SPMIP3: variants seen among roughly 807,000 people sequenced by gnomAD.
SPMIP3 encodes the protein sperm microtubule inner protein 3.
the SPMIP3 span, among the ~76,000 whole-genome samples, chr1:244,379,903 G>C: frequency 6.6e-6 from 1 of 151,716 alleles, no homozygotes; most frequent in South Asian, 2.1e-4. Flanking sequence ...GGGAGGCGGA[G>C]GTTGCGGTGA....
the SPMIP3 span, among the ~76,000 whole-genome samples, chr1:244,371,964 G>A: frequency 6.6e-6 from 1 of 152,216 alleles, no homozygotes; most frequent in Non-Finnish European, 1.5e-5. Flanking sequence ...GACAGCCTGT[G>A]GTTTTTCTGC....
the SPMIP3 span, among the ~76,000 whole-genome samples, chr1:244,384,326 C>G: frequency 2.0e-5 from 3 of 152,168 alleles, no homozygotes; most frequent in African/African-American, 7.2e-5. Context: ...CCCTCAGCCC[C>G]CTGAGTAGCT....
At chr1:244,356,132 C>T in the SPMIP3 span, among the ~76,000 whole-genome samples, 1 of 152,088 alleles carries the variant, frequency 6.6e-6, no homozygotes, top group South Asian at 2.1e-4. Flanking sequence ...CTTTTCTTGT[C>T]TTATTGTACT....
the SPMIP3 span, among the ~76,000 whole-genome samples, chr1:244,365,087 G>A: frequency 8.1e-3 from 1,238 of 152,292 alleles, 14 homozygotes; most frequent in African/African-American, 0.028. Context: ...TGAGACCCAG[G>A]ATTTAGATAC....
At chr1:244,375,450 T>G in the SPMIP3 span, 1 of 1,613,750 alleles carries the variant, frequency 6.2e-7, no homozygotes, top group Non-Finnish European at 8.5e-7. Context: ...TTGATCATAG[T>G]GCAAAGAGAG....
the SPMIP3 span, among the ~76,000 whole-genome samples, chr1:244,367,012 T>A: frequency 6.6e-6 from 1 of 152,042 alleles, no homozygotes; most frequent in African/African-American, 2.4e-5. Flanking sequence ...CTAGCCAGGG[T>A]GTTCAGGGAA....
chr1:244,359,979 C>T, the SPMIP3 span, among the ~76,000 whole-genome samples: 19 of 148,314 alleles, frequency 1.3e-4, no homozygotes, highest in African/African-American at 4.2e-4. Flanking sequence ...CGTGGTGGTG[C>T]GTGCCTGTAG....
the SPMIP3 span, among the ~76,000 whole-genome samples, chr1:244,365,736 G>T: frequency 6.6e-6 from 1 of 152,118 alleles, no homozygotes; most frequent in Non-Finnish European, 1.5e-5. Context: ...CAAGCAAACA[G>T]GCAACTCCAA....
chr1:244,362,443 A>G, the SPMIP3 span, among the ~76,000 whole-genome samples: 2 of 152,356 alleles, frequency 1.3e-5, no homozygotes, highest in East Asian at 3.9e-4. Flanking sequence ...AAATAGCAGT[A>G]AAACTCTGTA....
At chr1:244,357,520 C>T in the SPMIP3 span, among the ~76,000 whole-genome samples, 2 of 151,744 alleles carry the variant, frequency 1.3e-5, no homozygotes, top group African/African-American at 4.8e-5. Context: ...ACCAGCCTGA[C>T]AAACATGGTG....
At chr1:244,365,957 G>A in the SPMIP3 span, among the ~76,000 whole-genome samples, 1 of 152,108 alleles carries the variant, frequency 6.6e-6, no homozygotes, top group African/African-American at 2.4e-5. Flanking sequence ...TATGGCACAA[G>A]AATAACAAGC....
At chr1:244,361,748 C>T in the SPMIP3 span, among the ~76,000 whole-genome samples, 1 of 152,004 alleles carries the variant, frequency 6.6e-6, no homozygotes, top group South Asian at 2.1e-4. Context: ...GCATGGCAAC[C>T]CATGACCGAT....
At chr1:244,382,795 G>A in the SPMIP3 span, among the ~76,000 whole-genome samples, 3 of 151,806 alleles carry the variant, frequency 2.0e-5, no homozygotes, top group Non-Finnish European at 4.4e-5. Context: ...GTAGAGGTGC[G>A]GTTTCACCAT....
the SPMIP3 span, chr1:244,378,517 C>T: frequency 6.2e-7 from 1 of 1,613,728 alleles, no homozygotes; most frequent in Non-Finnish European, 8.5e-7. Flanking sequence ...CACTATCAGC[C>T]TCAATTAGAC....
the SPMIP3 span, among the ~76,000 whole-genome samples, chr1:244,372,685 C>T: frequency 0.012 from 1,864 of 152,242 alleles, 31 homozygotes; most frequent in African/African-American, 0.042. Context: ...CCTTGCGATC[C>T]GCCCGCCTTG....
chr1:244,381,079 G>A, the SPMIP3 span, among the ~76,000 whole-genome samples: 9 of 151,952 alleles, frequency 5.9e-5, no homozygotes, highest in Non-Finnish European at 7.4e-5. Context: ...AGGGGTTGCC[G>A]TCCCAAGGAG....
chr1:244,385,896 G>C, the SPMIP3 span, among the ~76,000 whole-genome samples: 5 of 152,048 alleles, frequency 3.3e-5, no homozygotes, highest in Non-Finnish European at 7.3e-5. Flanking sequence ...AGGTGCGGTG[G>C]CTCACACCTG....
the SPMIP3 span, among the ~76,000 whole-genome samples, chr1:244,363,666 A>G: frequency 5.3e-5 from 8 of 152,184 alleles, no homozygotes. Flanking sequence ...ATTGAGTTCA[A>G]GAACCTACTC....
the SPMIP3 span, among the ~76,000 whole-genome samples, chr1:244,352,962 T>C: frequency 1.3e-5 from 2 of 152,230 alleles, no homozygotes; most frequent in African/African-American, 4.8e-5. Flanking sequence ...GTCTTTTTTT[T>C]CTTAGAAACG....
Sources: gnomAD v4.1 joint callset for allele counts (sites outside exome capture counted in the v4.1 genomes callset) on GRCh38, gnomAD v4.1.1 for gene constraint, MANE v1.5 for transcripts, NCBI Gene and HGNC (gene_info 2026-07-23, HGNC 2026-07-21) for gene names.